RAB3GAP1: variants seen among roughly 807,000 people sequenced by gnomAD.
RAB3GAP1 encodes the protein RAB3 GTPase activating protein catalytic subunit 1.
In RAB3GAP1, 86 loss-of-function variants were observed where a neutral mutation model predicts 130.7. That is an observed-to-expected ratio of 0.66 (90% CI 0.55 to 0.79). The LOEUF (loss-of-function observed/expected upper bound fraction) is 0.79. Ranked by LOEUF, RAB3GAP1 falls within the 30% of genes least tolerant of loss-of-function variation. The pLI is 0.00. For synonymous variants in RAB3GAP1, 367 were observed against 401.7 expected, an observed-to-expected ratio of 0.91 and a Z score of 1.03; for missense variants, 1,029 against 1,169.4, an observed-to-expected ratio of 0.88 and a Z score of 1.75.
chr2:135,115,547 C>T (rs1690945390), intron 7 of RAB3GAP1, among the ~76,000 whole-genome samples, 166 bp downstream of exon 7: 1 of 152,148 alleles, frequency 6.6e-6, no homozygotes, highest in African/African-American at 2.4e-5. Context: ...TTCTAAGAAA[C>T]AAAATATCCA....
intron 5 of RAB3GAP1, among the ~76,000 whole-genome samples, chr2:135,107,746 G>T (rs963874646): frequency 3.3e-5 from 5 of 151,946 alleles, no homozygotes; most frequent in Non-Finnish European, 7.4e-5. Context: ...CCAGCACTTT[G>T]GGTGGATCAC....
chr2:135,137,022 G>C, intron 17 of RAB3GAP1: 1 of 240,394 alleles, frequency 4.2e-6, no homozygotes, highest in Non-Finnish European at 8.3e-6. Context: ...CCCAGGAGTT[G>C]GAGGCTGCAC....
chr2:135,167,322 T>C (rs2105005992), intron 23 of RAB3GAP1, among the ~76,000 whole-genome samples: 1 of 152,276 alleles, frequency 6.6e-6, no homozygotes, highest in South Asian at 2.1e-4. Flanking sequence ...TCAGACTTGC[T>C]AGATTGAATA....
chr2:135,162,334 A>C (rs1033980757), intron 19 of RAB3GAP1: 3 of 537,416 alleles, frequency 5.6e-6, no homozygotes, highest in Middle Eastern at 5.0e-4. Flanking sequence ...TGTGTATTAC[A>C]TAAGAAAGCA....
chr2:135,087,773 T>G (rs1690027228), intron 3 of RAB3GAP1, among the ~76,000 whole-genome samples: 1 of 152,206 alleles, frequency 6.6e-6, no homozygotes, highest in Non-Finnish European at 1.5e-5. Flanking sequence ...TGTAGATTCT[T>G]TTGGATATTC....
At chr2:135,174,968 A>G (rs1271767711), downstream of RAB3GAP1, among the ~76,000 whole-genome samples, 1 of 152,194 alleles carries the variant, frequency 6.6e-6, no homozygotes, top group Non-Finnish European at 1.5e-5. Context: ...CTGTCTCTGC[A>G]CAGGGCTTTC....
intron 17 of RAB3GAP1, among the ~76,000 whole-genome samples, chr2:135,148,235 G>A (rs1692058229): frequency 6.6e-6 from 1 of 152,118 alleles, no homozygotes; most frequent in South Asian, 2.1e-4. Context: ...GATCCCAGTT[G>A]AAACCAATGT....
chr2:135,110,591 A>C (rs1690775201), intron 5 of RAB3GAP1, among the ~76,000 whole-genome samples: 1 of 152,224 alleles, frequency 6.6e-6, no homozygotes, highest in Non-Finnish European at 1.5e-5. Flanking sequence ...CTTGTTATTC[A>C]TGGCTTGTAT....
chr2:135,147,424 C>G (rs1022718631), intron 17 of RAB3GAP1, among the ~76,000 whole-genome samples: 1 of 151,734 alleles, frequency 6.6e-6, no homozygotes, highest in African/African-American at 2.4e-5. Context: ...GTTTTAAAAC[C>G]CTATTTCCTT....
chr2:135,158,487 G>A (rs373292727), intron 19 of RAB3GAP1, among the ~76,000 whole-genome samples: 63 of 152,246 alleles, frequency 4.1e-4, no homozygotes, highest in African/African-American at 1.4e-3. Context: ...ATTATAAACC[G>A]TTGGAAAAAA....
chr2:135,151,347 CTACTCAGTCCTGCTTCTGTACTG>C (rs1483238556), intron 18 of RAB3GAP1, among the ~76,000 whole-genome samples: 2 of 152,188 alleles, frequency 1.3e-5, no homozygotes, highest in African/African-American at 4.8e-5. Context: ...TCCATATCCC[CTACTCAGTCCTGCTTCTGTACTG>C]TTTAGGCCAG....
At chr2:135,087,092 A>G (rs375730993) in intron 3 of RAB3GAP1, among the ~76,000 whole-genome samples, 17 of 152,236 alleles carry the variant, frequency 1.1e-4, no homozygotes, top group East Asian at 9.6e-4. Flanking sequence ...GCCTATCCCA[A>G]GGTATTTGCA....
chr2:135,110,192 G>T (rs1046516600), intron 5 of RAB3GAP1, among the ~76,000 whole-genome samples: 1 of 151,750 alleles, frequency 6.6e-6, no homozygotes, highest in African/African-American at 2.4e-5. Context: ...GGAGTGCAGT[G>T]GTGTGATGAT....
chr2:135,126,607 A>C lies in RAB3GAP1; in HGVS notation c.924A>C (p.Pro308=), dbSNP rs745491428. The C allele has an allele frequency of 1.9e-6, 3 of 1,613,290 alleles. No homozygotes were observed. The highest frequency in any genetic ancestry group is 2.5e-6 in the Non-Finnish European group (3 of 1,179,298). The change falls in exon 11 of 24, where the codon CCA becomes CCC. Residue 308 remains proline, a synonymous_variant. Transcript: ENST00000264158. ...GTGATTTGGATCCTATTCAAGCTCCACATTGGTCTGTTAGAGTTCGAAAAG... is the reference window on the plus strand; with the variant it reads ...GTGATTTGGATCCTATTCAAGCTCCCCATTGGTCTGTTAGAGTTCGAAAAG... The part of the protein sequence containing the change: ...VYSDLDPIQA[P]HWSVRVRKAE...
intron 5 of RAB3GAP1, among the ~76,000 whole-genome samples, chr2:135,110,980 A>C (rs1301210907): frequency 6.6e-6 from 1 of 152,180 alleles, no homozygotes; most frequent in African/African-American, 2.4e-5. Context: ...CATTTGAAAA[A>C]AAGAAAACTA....
chr2:135,092,474 T>C (rs539206064), intron 4 of RAB3GAP1, among the ~76,000 whole-genome samples: 2 of 152,322 alleles, frequency 1.3e-5, no homozygotes, highest in South Asian at 4.1e-4. Flanking sequence ...TTCACTCTTG[T>C]TGTCCAGGCT....
chr2:135,059,824 T>C (rs923713865), intron 3 of RAB3GAP1, among the ~76,000 whole-genome samples: 1 of 152,106 alleles, frequency 6.6e-6, no homozygotes, highest in African/African-American at 2.4e-5. Context: ...TTCTCCCTAC[T>C]AGATAGTAGT....
intron 8 of RAB3GAP1, 110 bp from the exon 9 acceptor site, chr2:135,124,055 A>G (rs1691275439): frequency 9.7e-7 from 1 of 1,027,748 alleles, no homozygotes; most frequent in Non-Finnish European, 1.5e-6. Context: ...AACTTGCTAC[A>G]TGTGTTCTCT....
At chr2:135,129,249 G>A (rs1175532231) in intron 11 of RAB3GAP1, among the ~76,000 whole-genome samples, 1 of 151,848 alleles carries the variant, frequency 6.6e-6, no homozygotes, top group Non-Finnish European at 1.5e-5. Context: ...TCAGGAGATC[G>A]AGACCATCCT....
Sources: gnomAD v4.1 joint callset for allele counts (sites outside exome capture counted in the v4.1 genomes callset) on GRCh38, gnomAD v4.1.1 for gene constraint, MANE v1.5 for transcripts, NCBI Gene and HGNC (gene_info 2026-07-23, HGNC 2026-07-21) for gene names.